ARHGAP24: variants seen among roughly 807,000 people sequenced by gnomAD.
ARHGAP24 encodes the protein rho GTPase-activating protein 24.
Under a neutral mutation model 76.4 loss-of-function variants are expected in ARHGAP24, and 50 were observed. That is an observed-to-expected ratio of 0.65 (90% confidence interval 0.52 to 0.83). The LOEUF (loss-of-function observed/expected upper bound fraction) is 0.83. ARHGAP24 is among the 40% of genes least tolerant of loss of function. The pLI is 0.00. For missense variants in ARHGAP24, 930 were observed against 914.2 expected (o/e 1.02, Z -0.22); for synonymous variants, 345 against 323.3 (o/e 1.07, Z -0.72).
chr4:85,840,017 CTTTTTTT>C (rs70948759), intron 3 of ARHGAP24, among the ~76,000 whole-genome samples: 54 of 116,022 alleles, frequency 4.7e-4, no homozygotes, highest in Admixed American at 8.3e-4. Flanking sequence ...GCCTGGCTAA[CTTTTTTT>C]TTTTTTTTTT....
chr4:85,847,830 C>T (rs2110157108), intron 3 of ARHGAP24, among the ~76,000 whole-genome samples: 1 of 152,148 alleles, frequency 6.6e-6, no homozygotes, highest in Admixed American at 6.5e-5. Context: ...TAATGCTGCC[C>T]TCCAAATACA....
intron 1 of ARHGAP24, among the ~76,000 whole-genome samples, chr4:85,499,431 A>C (rs778234263): frequency 6.6e-6 from 1 of 152,232 alleles, no homozygotes; most frequent in Non-Finnish European, 1.5e-5. Flanking sequence ...TGGGAGAGAA[A>C]TACTAGAGGA....
chr4:85,756,951 C>G (rs1726522280), intron 3 of ARHGAP24, among the ~76,000 whole-genome samples: 1 of 152,070 alleles, frequency 6.6e-6, no homozygotes, highest in African/African-American at 2.4e-5. Flanking sequence ...TATTGGAGCC[C>G]CGAGTAATCT....
At chr4:85,639,692 G>A (rs1721451177) in intron 2 of ARHGAP24, among the ~76,000 whole-genome samples, 1 of 90,016 alleles carries the variant, frequency 1.1e-5, no homozygotes, top group Admixed American at 1.4e-4. Flanking sequence ...TTTATTGGAG[G>A]GAATAATTGG....
chr4:85,964,334 A>T (rs954087909), intron 5 of ARHGAP24, among the ~76,000 whole-genome samples: 15 of 152,096 alleles, frequency 9.9e-5, no homozygotes, highest in African/African-American at 3.6e-4. Flanking sequence ...ACAAGGGGAG[A>T]TTTTTCTGTT....
intron 2 of ARHGAP24, among the ~76,000 whole-genome samples, chr4:85,704,624 G>A (rs75598839): frequency 0.016 from 2,447 of 152,194 alleles, 76 homozygotes; most frequent in African/African-American, 0.056. Flanking sequence ...ATGATACTCA[G>A]TTCTTTGTCT....
chr4:85,634,380 C>G (rs2109965371), intron 2 of ARHGAP24, among the ~76,000 whole-genome samples: 1 of 151,950 alleles, frequency 6.6e-6, no homozygotes, highest in Middle Eastern at 3.4e-3. Flanking sequence ...TAGGATTCCT[C>G]TGGTTCAGCT....
chr4:85,841,256 G>A (rs1168852525), intron 3 of ARHGAP24, among the ~76,000 whole-genome samples: 1 of 152,186 alleles, frequency 6.6e-6, no homozygotes, highest in African/African-American at 2.4e-5. Flanking sequence ...CAAGTGCAGA[G>A]CTCAAGAATA....
At chr4:85,825,555 T>C (rs930176618) in intron 3 of ARHGAP24, among the ~76,000 whole-genome samples, 1 of 152,238 alleles carries the variant, frequency 6.6e-6, no homozygotes, top group Non-Finnish European at 1.5e-5. Flanking sequence ...ATTATGTGTA[T>C]GTTACAAAAA....
intron 2 of ARHGAP24, among the ~76,000 whole-genome samples, chr4:85,594,676 C>T (rs1363107298): frequency 6.6e-6 from 1 of 152,020 alleles, no homozygotes; most frequent in Non-Finnish European, 1.5e-5. Flanking sequence ...ACTAAGAGTG[C>T]CTCAGAAAGC....
chr4:85,511,609 T>C (rs1394993780), intron 1 of ARHGAP24, among the ~76,000 whole-genome samples: 1 of 152,050 alleles, frequency 6.6e-6, no homozygotes, highest in Non-Finnish European at 1.5e-5. Context: ...ATTACAGGCA[T>C]GCGCCACTAT....
chr4:85,783,557 A>G (rs911012643), intron 3 of ARHGAP24, among the ~76,000 whole-genome samples: 1 of 151,988 alleles, frequency 6.6e-6, no homozygotes, highest in African/African-American at 2.4e-5. Context: ...TAATATCTGT[A>G]TCTAGCCAGA....
At chr4:85,796,996 G>C (rs1329796506) in intron 3 of ARHGAP24, among the ~76,000 whole-genome samples, 2 of 152,164 alleles carry the variant, frequency 1.3e-5, no homozygotes, top group Non-Finnish European at 2.9e-5. Context: ...TACACTGGAG[G>C]GGCTGGGTGC....
At chr4:85,500,726 T>G (rs964571232) in intron 1 of ARHGAP24, among the ~76,000 whole-genome samples, 2 of 152,166 alleles carry the variant, frequency 1.3e-5, no homozygotes, top group Non-Finnish European at 2.9e-5. Flanking sequence ...ACTTTTTTAT[T>G]ATGATGATAC....
chr4:85,921,229 C>T (rs1469427215), intron 3 of ARHGAP24, among the ~76,000 whole-genome samples: 1 of 152,088 alleles, frequency 6.6e-6, no homozygotes, highest in Non-Finnish European at 1.5e-5. Flanking sequence ...ATGTTCTTTG[C>T]AGGGACATGA....
At position 85,995,624 on chromosome 4, in the gene ARHGAP24, A is replaced by T; in HGVS notation, c.1970A>T (p.Lys657Ile). 1 of 1,613,962 alleles carries T rather than the reference A, an allele frequency of 6.2e-7. No individual in the cohort carries two copies. Among genetic ancestry groups the T allele is most frequent in the Non-Finnish European group, 8.5e-7 (1 of 1,179,966 alleles). Reference sequence around the variant, plus strand: ...TCCAGCCTGAAACAGGAAATGACCAAACAGAAGATAGAGTATGAGTCCAGG... The same window carrying T: ...TCCAGCCTGAAACAGGAAATGACCATACAGAAGATAGAGTATGAGTCCAGG... ...LVSSLKQEMT[K>I]QKIEYESRIK... Residue 657 changes from lysine (K) to isoleucine (I), a missense_variant, in exon 9 of 10, where the codon AAA (lysine) becomes ATA (isoleucine). Physicochemically the swap from Lys to Ile is moderately radical, Grantham distance 102. Transcript: ENST00000395184.
chr4:85,624,912 G>T (rs904247998), intron 2 of ARHGAP24, among the ~76,000 whole-genome samples: 3 of 152,074 alleles, frequency 2.0e-5, no homozygotes, highest in Non-Finnish European at 2.9e-5. Flanking sequence ...GTGGGATCGT[G>T]GTGATATCCC....
chr4:85,582,597 A>G (rs1030196896), intron 2 of ARHGAP24, among the ~76,000 whole-genome samples: 6 of 152,204 alleles, frequency 3.9e-5, no homozygotes, highest in African/African-American at 1.4e-4. Flanking sequence ...TTTTCAATGA[A>G]TTATGTTTAC....
chr4:85,890,516 G>A (rs1733827274), intron 3 of ARHGAP24, among the ~76,000 whole-genome samples: 1 of 152,294 alleles, frequency 6.6e-6, no homozygotes, highest in Non-Finnish European at 1.5e-5. Flanking sequence ...AATCAATTCA[G>A]CCTGGCTAGT....
Sources: gnomAD v4.1 joint callset for allele counts (sites outside exome capture counted in the v4.1 genomes callset) on GRCh38, gnomAD v4.1.1 for gene constraint, MANE v1.5 for transcripts, NCBI Gene and HGNC (gene_info 2026-07-23, HGNC 2026-07-21) for gene names.